VRTN: variants seen among roughly 807,000 people sequenced by gnomAD.
VRTN encodes the protein vertnin.
A neutral mutation model predicts 18.2 loss-of-function variants in VRTN; 5 were observed. The ratio of observed to expected loss-of-function variants is 0.27; its 90% CI spans 0.14 to 0.58. VRTN has a LOEUF of 0.58. Among genes scored for constraint, VRTN ranks in the 20% least tolerant of loss-of-function variants. VRTN has a pLI of 0.91. For missense variants in VRTN, 741 were observed against 939.4 expected (o/e 0.79, Z 2.76); for synonymous variants, 381 against 393.7 (o/e 0.97, Z 0.38).
intron 1 of VRTN, among the ~76,000 whole-genome samples, chr14:74,320,479 G>GTCTCGA (rs1595164913): frequency 6.8e-6 from 1 of 147,062 alleles, no homozygotes; most frequent in East Asian, 2.0e-4. Flanking sequence ...AGCCAGGATG[G>GTCTCGA]TCTCGATCTC....
At chr14:74,335,740 ATTTTT>A (rs113250765) in intron 1 of VRTN, among the ~76,000 whole-genome samples, 81 of 132,326 alleles carry the variant, frequency 6.1e-4, no homozygotes, top group African/African-American at 2.0e-3. Flanking sequence ...CAGATGTTCT[ATTTTT>A]TTTTTTTTTT....
At chr14:74,349,302 G>A (rs1379483325) in intron 1 of VRTN, among the ~76,000 whole-genome samples, 2 of 148,058 alleles carry the variant, frequency 1.4e-5, no homozygotes, top group African/African-American at 5.0e-5. Flanking sequence ...ACCGGGGAGG[G>A]AGCAAAGATG....
At chr14:74,309,170 C>T (rs1227963007) in intron 1 of VRTN, among the ~76,000 whole-genome samples, 1 of 152,054 alleles carries the variant, frequency 6.6e-6, no homozygotes, top group East Asian at 1.9e-4. Context: ...TTATTGTTTC[C>T]TTCCACAGCA....
chr14:74,332,303 C>A (rs1279329491), intron 1 of VRTN, among the ~76,000 whole-genome samples: 1 of 142,970 alleles, frequency 7.0e-6, no homozygotes, highest in Non-Finnish European at 1.5e-5. Context: ...ACAAGTCTAC[C>A]TTTCCCCCTC....
At chr14:74,335,176 G>C (rs146871530) in intron 1 of VRTN, among the ~76,000 whole-genome samples, 1 of 152,320 alleles carries the variant, frequency 6.6e-6, no homozygotes, top group African/African-American at 2.4e-5. Context: ...AGTTACTAGG[G>C]AGGCTGAGGC....
intron 1 of VRTN, among the ~76,000 whole-genome samples, chr14:74,308,392 C>T (rs1356625000): frequency 4.6e-5 from 7 of 152,254 alleles, no homozygotes; most frequent in African/African-American, 1.7e-4. Context: ...TGTCCTTCTG[C>T]AAAACCTTCT....
In VRTN at chr14:74,357,929, G is replaced by A. The variant is rs1164759283; in HGVS notation, c.1146G>A (p.Val382=). Residue 382 remains valine, a synonymous_variant, in exon 2 of 2, where the codon GTG becomes GTA. Coordinates refer to ENST00000256362, the MANE Select transcript of VRTN (RefSeq NM_018228.3). This position sits in a 1 kb window ranked among gnomAD's most constrained non-coding sequence, Gnocchi z 7.8. ...EELEKLPEEQ[V]AEEELECSAL... ...TAGAGAAGCTGCCGGAGGAGCAGGT[G>A]GCTGAGGAGGAGCTGGAGTGCTCCG... is the stretch of plus-strand genomic sequence containing the variant. The A allele has an allele frequency of 1.9e-6, 3 of 1,614,224 alleles. No homozygotes were observed. Among genetic ancestry groups the A allele is most frequent in the Non-Finnish European group, 1.7e-6 (2 of 1,180,044 alleles).
chr14:74,331,447 T>C (rs2085522788), intron 1 of VRTN, among the ~76,000 whole-genome samples: 1 of 148,414 alleles, frequency 6.7e-6, no homozygotes, highest in Admixed American at 6.8e-5. Flanking sequence ...GAGAATCGCT[T>C]GAACCCAGGA....
intron 1 of VRTN, among the ~76,000 whole-genome samples, chr14:74,322,505 T>C (rs768778465): frequency 6.6e-6 from 1 of 152,170 alleles, no homozygotes; most frequent in Non-Finnish European, 1.5e-5. Flanking sequence ...TTTATATCTA[T>C]TATCGTTTGT....
chr14:74,348,326 A>T (rs1285344157), upstream of VRTN: 3 of 152,132 alleles, frequency 2.0e-5, no homozygotes, highest in Non-Finnish European at 4.4e-5. Context: ...TAACACCCCC[A>T]GCTGGGGAGA....
chr14:74,314,657 C>A (rs2085408903), intron 1 of VRTN, among the ~76,000 whole-genome samples: 1 of 152,060 alleles, frequency 6.6e-6, no homozygotes, highest in Non-Finnish European at 1.5e-5. Flanking sequence ...CCTGCCTCGG[C>A]CTCCCAAAGT....
intron 1 of VRTN, among the ~76,000 whole-genome samples, chr14:74,335,561 G>A (rs1361591169): frequency 6.6e-6 from 1 of 151,966 alleles, no homozygotes; most frequent in Admixed American, 6.6e-5. Flanking sequence ...GGCCTGTAAT[G>A]AACCTATATT....
intron 1 of VRTN, among the ~76,000 whole-genome samples, chr14:74,337,125 T>C (rs1230233735): frequency 6.6e-6 from 1 of 152,124 alleles, no homozygotes; most frequent in Non-Finnish European, 1.5e-5. Flanking sequence ...GGTGGATCAC[T>C]TGAGGTCAGG....
At chr14:74,303,472 G>T (rs1480628634) in intron 1 of VRTN, among the ~76,000 whole-genome samples, 5 of 152,138 alleles carry the variant, frequency 3.3e-5, no homozygotes, top group Non-Finnish European at 7.4e-5. Flanking sequence ...AATCACTTGG[G>T]CCCGGAAGGT....
At chr14:74,339,945 C>CT (rs1417991860) in intron 2 of VRTN, among the ~76,000 whole-genome samples, 3 of 151,724 alleles carry the variant, frequency 2.0e-5, no homozygotes, top group African/African-American at 4.8e-5. Context: ...GAAGCCTTTT[C>CT]TTTTTTTTGA....
At chr14:74,314,104 G>C (rs2085404765) in intron 1 of VRTN, among the ~76,000 whole-genome samples, 1 of 152,144 alleles carries the variant, frequency 6.6e-6, no homozygotes, top group Non-Finnish European at 1.5e-5. Flanking sequence ...ATTAACAAGA[G>C]AAAAGCATAA....
chr14:74,310,397 CAAAAA>C (rs1204317705), intron 1 of VRTN, among the ~76,000 whole-genome samples: 1 of 59,418 alleles, frequency 1.7e-5, no homozygotes. Context: ...AACTCTGTCT[CAAAAA>C]AAAAAAAAAA....
intron 1 of VRTN, among the ~76,000 whole-genome samples, chr14:74,321,440 G>T (rs575488366): frequency 3.2e-4 from 48 of 152,066 alleles, no homozygotes; most frequent in Non-Finnish European, 5.3e-4. Context: ...GCTAGTAAGT[G>T]GGGGAACTTG....
At chr14:74,334,190 C>A (rs978123708) in intron 1 of VRTN, among the ~76,000 whole-genome samples, 3 of 152,038 alleles carry the variant, frequency 2.0e-5, no homozygotes, top group African/African-American at 7.2e-5. Flanking sequence ...TCCTGGAAGC[C>A]AAAGCCAAGA....
Sources: allele counts gnomAD v4.1 joint callset (sites outside exome capture counted in the v4.1 genomes callset), GRCh38; gene constraint gnomAD v4.1.1; non-coding constraint Gnocchi (gnomAD v3.1); transcripts MANE v1.5; gene names NCBI Gene and HGNC (gene_info 2026-07-23, HGNC 2026-07-21).